The following GPBP1L1 variants were observed in gnomAD, a reference collection of about 807,000 sequenced individuals.
GPBP1L1 encodes the protein vasculin-like protein 1.
A neutral mutation model predicts 52.5 loss-of-function variants in GPBP1L1; 23 were observed. That is an observed-to-expected ratio of 0.44 (90% CI 0.32 to 0.62). The LOEUF is 0.62. Ranked by LOEUF, GPBP1L1 falls within the 20% of genes least tolerant of loss-of-function variation. The pLI is 0.06. For missense variants in GPBP1L1, 596 were observed against 579.3 expected (o/e 1.03, Z -0.30); for synonymous variants, 243 against 203.1 (o/e 1.20, Z -1.67).
intron 2 of GPBP1L1, among the ~76,000 whole-genome samples, chr1:45,683,673 G>A (rs1287459558): frequency 6.8e-6 from 1 of 147,518 alleles, no homozygotes; most frequent in Non-Finnish European, 1.5e-5. Flanking sequence ...CCCTGAGTTC[G>A]AGACCATTGC....
Position 45,633,600 on chromosome 1 carries a change from C to G in GPBP1L1, c.933G>C (p.Leu311=). ...CGGTGGTTCGGCGGGTCAACTTGGT[C>G]AGACGAGAGGAGCTGATCTCAATTG... The part of the protein sequence containing the change: ...TPPIEISSSR[L]TKLTRRTTDR... The change falls in exon 10 of 13, where the codon CTG becomes CTC. Residue 311 remains leucine (L), a synonymous_variant. Coordinates refer to ENST00000355105, the MANE Select transcript of GPBP1L1 (RefSeq NM_021639.5). 1 of 1,613,898 alleles carries G rather than the reference C, an allele frequency of 6.2e-7. No homozygotes were observed. The highest frequency in any genetic ancestry group is 8.5e-7 in the Non-Finnish European group (1 of 1,179,976).
intron 2 of GPBP1L1, among the ~76,000 whole-genome samples, chr1:45,685,262 T>C (rs1393721675): frequency 6.6e-6 from 1 of 152,190 alleles, no homozygotes; most frequent in Non-Finnish European, 1.5e-5. Flanking sequence ...GTCTACTAAA[T>C]TACAAATATA....
intron 2 of GPBP1L1, among the ~76,000 whole-genome samples, chr1:45,671,319 C>A (rs1645071972): frequency 6.7e-6 from 1 of 150,172 alleles, no homozygotes. Flanking sequence ...AAGCAAATCT[C>A]GTGCCTCACC....
At chr1:45,635,657 A>G (rs1644584589) in intron 8 of GPBP1L1, 1 of 152,222 alleles carries the variant, frequency 6.6e-6, no homozygotes. Context: ...TATACATGTA[A>G]AAGTCCATTA....
intron 4 of GPBP1L1, among the ~76,000 whole-genome samples, chr1:45,656,847 T>G (rs908617222): frequency 8.6e-5 from 13 of 151,664 alleles, no homozygotes; most frequent in African/African-American, 2.4e-4. Flanking sequence ...TGTTGTTGTT[T>G]TTTTTTTAAA....
chr1:45,680,211 T>G (rs940710149), intron 2 of GPBP1L1, among the ~76,000 whole-genome samples: 1 of 151,498 alleles, frequency 6.6e-6, no homozygotes, highest in Non-Finnish European at 1.5e-5. Flanking sequence ...GATTTAATAG[T>G]AGTGACTAAC....
Position 45,655,466 on chromosome 1 carries a change from C to T in GPBP1L1, c.61-147G>A, listed in dbSNP as rs959016639. ...GTAAGCATATGGACCCTAAGGGTAC[C>T]CACAGGTGCCTAATTTAGAGAAGTC... On this transcript the variant is annotated intron_variant, in intron 4 of 12. Coordinates refer to ENST00000355105, the MANE Select transcript of GPBP1L1 (RefSeq NM_021639.5). 12 of 774,908 alleles carry T rather than the reference C, an allele frequency of 1.5e-5. No individual in the cohort carries two copies. In the African/African-American group the frequency reaches 1.9e-4, roughly 12 times the overall value. 48.0% of individuals were successfully genotyped at this position (774,908 alleles called of 1,614,324 possible).
At chr1:45,665,048 G>T (rs1322624798) in intron 2 of GPBP1L1, among the ~76,000 whole-genome samples, 3 of 151,396 alleles carry the variant, frequency 2.0e-5, no homozygotes, top group Non-Finnish European at 4.4e-5. Context: ...TAGCACTTTG[G>T]GAGGCCAAGG....
chr1:45,636,184 A>C (rs1269960137), intron 8 of GPBP1L1, among the ~76,000 whole-genome samples: 1 of 152,178 alleles, frequency 6.6e-6, no homozygotes, highest in East Asian at 1.9e-4. Context: ...GATATTGCTC[A>C]TTATGAATAT....
At chr1:45,687,206 C>A (rs1048061133), upstream of GPBP1L1, 1 of 152,274 alleles carries the variant, frequency 6.6e-6, no homozygotes, top group East Asian at 1.9e-4. Context: ...CCCGCCCAAG[C>A]GAAGGGCGGG....
At chr1:45,646,186 C>A (rs1358458472) in intron 6 of GPBP1L1, 2 of 324,176 alleles carry the variant, frequency 6.2e-6, no homozygotes, top group South Asian at 2.5e-5. Flanking sequence ...GTAGGATGTT[C>A]ACACACACCA....
chr1:45,663,149 T>C (rs903101891), intron 2 of GPBP1L1, among the ~76,000 whole-genome samples: 8 of 152,146 alleles, frequency 5.3e-5, no homozygotes, highest in African/African-American at 1.9e-4. Context: ...TGTAGTGAAG[T>C]TATTCTGGAA....
rs566826305 is a variant in GPBP1L1 at position 45,654,570 on chromosome 1, T to C, written c.450A>G (p.Glu150=). Residue 150 remains glutamate, a synonymous_variant, in exon 6 of 13, where the codon GAA becomes GAG. Transcript: ENST00000355105. Reference sequence around the variant, plus strand: ...AGTCCTCCTCTTCAAACTGCAACTTTTCCACCTTGTCTTCTTTCTTTTCTT... The same window carrying C: ...AGTCCTCCTCTTCAAACTGCAACTTCTCCACCTTGTCTTCTTTCTTTTCTT... ...IREEKKEDKV[E]KLQFEEEDFP... is the part of the protein sequence containing the mutation. The C allele has an allele frequency of 1.2e-6, 2 of 1,611,878 alleles. No homozygotes were observed. The highest frequency in any genetic ancestry group is 1.7e-5 in the Admixed American group (1 of 59,944).
At chr1:45,650,708 T>G (rs1644809222) in intron 6 of GPBP1L1, among the ~76,000 whole-genome samples, 1 of 152,234 alleles carries the variant, frequency 6.6e-6, no homozygotes, top group Non-Finnish European at 1.5e-5. Context: ...ACTTGTTCCT[T>G]CTTCAGCTAA....
chr1:45,648,948 T>C (rs1003891357), intron 6 of GPBP1L1, among the ~76,000 whole-genome samples: 6 of 152,198 alleles, frequency 3.9e-5, no homozygotes, highest in East Asian at 3.8e-4. Flanking sequence ...GAGAATGGCT[T>C]GAACCCACGA....
chr1:45,659,327 A>G (rs1478846059), intron 3 of GPBP1L1, among the ~76,000 whole-genome samples, 185 bp from the exon 4 acceptor site: 1 of 152,228 alleles, frequency 6.6e-6, no homozygotes, highest in African/African-American at 2.4e-5. Flanking sequence ...TGTTAAAACA[A>G]AAGTTCTAAA....
chr1:45,632,122 A>T (rs1191115295), intron 10 of GPBP1L1, among the ~76,000 whole-genome samples: 1 of 152,228 alleles, frequency 6.6e-6, no homozygotes, highest in African/African-American at 2.4e-5. Flanking sequence ...ATTCCTTATC[A>T]GAACCACAAG....
chr1:45,631,602 T>C (rs942549393), intron 10 of GPBP1L1, among the ~76,000 whole-genome samples: 1 of 152,110 alleles, frequency 6.6e-6, no homozygotes, highest in South Asian at 2.1e-4. Context: ...ATAAAAAAAA[T>C]TTCTGCTTTG....
At chr1:45,641,877 T>C (rs1644679297) in intron 7 of GPBP1L1, 1 of 151,072 alleles carries the variant, frequency 6.6e-6, no homozygotes, top group African/African-American at 2.4e-5. Flanking sequence ...TTTCATGAAC[T>C]TTTTCTACTT....
Sources: gnomAD v4.1 joint callset for allele counts (sites outside exome capture counted in the v4.1 genomes callset) on GRCh38, gnomAD v4.1.1 for gene constraint, MANE v1.5 for transcripts, NCBI Gene and HGNC (gene_info 2026-07-23, HGNC 2026-07-21) for gene names.